The following PMEPA1 variants were observed in gnomAD, a reference collection of about 807,000 sequenced individuals.
PMEPA1 encodes protein TMEPAI.
PMEPA1 carries 11 observed loss-of-function variants against 23.0 expected under a neutral mutation model. That is an observed-to-expected ratio of 0.48 (90% CI 0.30 to 0.79). The LOEUF (loss-of-function observed/expected upper bound fraction) is 0.79, where lower values mean the gene tolerates loss of function less well. PMEPA1 is among the 30% of genes least tolerant of loss of function. The probability of loss-of-function intolerance (pLI) is 0.06; values close to 1 mark genes in which losing one functional copy is unlikely to be tolerated. For synonymous variants in PMEPA1, 204 were observed against 166.4 expected (o/e 1.23, Z -1.74); for missense variants, 377 against 390.9 (o/e 0.96, Z 0.30).
At chr20:57,703,533 C>T (rs754257464) in intron 1 of PMEPA1, among the ~76,000 whole-genome samples, 9 of 152,190 alleles carry the variant, frequency 5.9e-5, no homozygotes, top group Non-Finnish European at 1.2e-4. Context: ...ACCCTGCTGG[C>T]AGACCCGAAG....
intron 1 of PMEPA1, among the ~76,000 whole-genome samples, chr20:57,691,088 C>A (rs900316078): frequency 6.6e-6 from 1 of 152,140 alleles, no homozygotes; most frequent in Admixed American, 6.5e-5. Context: ...GGTTTTCTGG[C>A]CGATTTCCAG....
At chr20:57,660,270 G>C (rs563845258) in intron 1 of PMEPA1, among the ~76,000 whole-genome samples, 4 of 152,110 alleles carry the variant, frequency 2.6e-5, no homozygotes, top group African/African-American at 9.7e-5. Flanking sequence ...GTGAACGTGT[G>C]TACACAAACC....
intron 2 of PMEPA1, 76 bp downstream of exon 2, chr20:57,659,467 G>A: frequency 6.8e-7 from 1 of 1,476,934 alleles, no homozygotes; most frequent in Non-Finnish European, 9.3e-7. Context: ...GCTGCCATTG[G>A]ATCCCGTCTG....
intron 1 of PMEPA1, among the ~76,000 whole-genome samples, chr20:57,677,157 G>A (rs1432863925): frequency 6.6e-6 from 1 of 152,182 alleles, no homozygotes; most frequent in Non-Finnish European, 1.5e-5. Flanking sequence ...TGCATCGCCT[G>A]GTGGCCTGTC....
rs192428455 is a variant in PMEPA1, at chr20:57,656,551, C to A, written c.264+2992G>T. 6.6e-6 allele frequency among the ~76,000 whole-genome samples: 1 copy of A among 152,170 alleles called. No homozygotes were observed. The highest frequency in any genetic ancestry group is 2.4e-5 in the African/African-American group (1 of 41,460). ...GGGCGGTCACTGCAGTGACGTTCTG[C>A]ATCATGTCCCGAATACCCTCGGAGC... is the stretch of plus-strand genomic sequence containing the variant. On this transcript the variant is annotated intron_variant, in intron 2 of 3. Coordinates refer to ENST00000341744, the MANE Select transcript of PMEPA1 (RefSeq NM_020182.5). This position sits in a 1 kb window ranked among gnomAD's most constrained non-coding sequence, Gnocchi z 4.7.
chr20:57,669,231 T>C (rs6070213), intron 1 of PMEPA1, among the ~76,000 whole-genome samples: 55,429 of 151,648 alleles, frequency 0.37, 10,604 homozygotes, highest in African/African-American at 0.47. Flanking sequence ...GGTGCAATCT[T>C]GACTCACTGC....
intron 1 of PMEPA1, among the ~76,000 whole-genome samples, chr20:57,660,223 G>A (rs573430954): frequency 2.0e-5 from 3 of 152,040 alleles, no homozygotes; most frequent in Admixed American, 6.5e-5. Context: ...GAGTTTGGGA[G>A]TGAAGCTTTG....
intron 1 of PMEPA1, among the ~76,000 whole-genome samples, chr20:57,678,968 C>T (rs941897762): frequency 2.0e-5 from 3 of 152,212 alleles, no homozygotes; most frequent in Non-Finnish European, 2.9e-5. Flanking sequence ...GAACTGCGGA[C>T]GTCTCTGCCA....
rs2072047524 is a variant in PMEPA1, at chr20:57,704,237, C to T, written c.109+5237G>A. Among the ~76,000 whole-genome samples the T allele has an allele frequency of 6.6e-6, 1 of 152,202 alleles. No individual in the cohort carries two copies. Among genetic ancestry groups the T allele is most frequent in the African/African-American group, 2.4e-5 (1 of 41,458 alleles). The stretch of plus-strand genomic sequence containing the variant: ...GCAATGGTGGGCTGAGCAGTGGCCA[C>T]AGTGCCTTTAAACTGGACTCTTGCC... On this transcript the variant is annotated intron_variant, in intron 1 of 3. Coordinates refer to ENST00000341744, the MANE Select transcript of PMEPA1 (RefSeq NM_020182.5). The surrounding 1 kb of genome is among the most constrained non-coding windows in gnomAD (Gnocchi z 4.6).
At chr20:57,706,547 A>C (rs1045302178) in intron 1 of PMEPA1, among the ~76,000 whole-genome samples, 4 of 152,094 alleles carry the variant, frequency 2.6e-5, no homozygotes, top group African/African-American at 9.7e-5. Context: ...CTCTCAGAAA[A>C]AATGGGGCCC....
In PMEPA1 at chr20:57,690,596, G is replaced by T. The variant is rs886148140; in HGVS notation, c.109+18878C>A. The T allele has an allele frequency of 4.3e-5, 53 of 1,230,992 alleles. No homozygotes were observed. In the African/African-American group the frequency reaches 7.8e-4, roughly 18 times the overall value. The allele number at this position is 1,230,992 out of a possible 1,614,324, so 76.3% of individuals were successfully genotyped here. On this transcript the variant is annotated intron_variant, in intron 1 of 3. Coordinates refer to ENST00000341744, the MANE Select transcript of PMEPA1 (RefSeq NM_020182.5). ...TGCTATGGCGGGTGTAGAGGGTCAT[G>T]TGCAAACAGGTGGCAGGGGCCTGGA...
At chr20:57,688,686 T>C (rs1012005110) in intron 1 of PMEPA1, among the ~76,000 whole-genome samples, 11 of 152,164 alleles carry the variant, frequency 7.2e-5, no homozygotes, top group Non-Finnish European at 1.6e-4. Context: ...CACATTCCCA[T>C]TTGACAGATG....
At chr20:57,710,191 C>T (rs543282715), upstream of PMEPA1, 2 of 502,808 alleles carry the variant, frequency 4.0e-6, no homozygotes, top group Middle Eastern at 5.7e-4. Flanking sequence ...GTAGACCCGG[C>T]ACCCGCGCAA....
At chr20:57,685,167 A>G (rs918769147) in intron 1 of PMEPA1, among the ~76,000 whole-genome samples, 3 of 151,954 alleles carry the variant, frequency 2.0e-5, no homozygotes, top group African/African-American at 7.3e-5. Flanking sequence ...AAAGAGGACA[A>G]TTAAAAAAAG....
In PMEPA1 at chr20:57,704,100, G is replaced by A. The variant is rs961361119; in HGVS notation, c.109+5374C>T. 6.6e-6 allele frequency among the ~76,000 whole-genome samples: 1 copy of A among 152,174 alleles called. No individual in the cohort carries two copies. The highest frequency in any genetic ancestry group is 1.5e-5 in the Non-Finnish European group (1 of 68,040). ...AGCAGGTTCTGTGGGGCTTCTTGGT[G>A]ACAGGGGAGACAAAAGGAACTGCCA... is the stretch of plus-strand genomic sequence containing the variant. On this transcript the variant is annotated intron_variant, in intron 1 of 3. Transcript: ENST00000341744. This position sits in a 1 kb window ranked among gnomAD's most constrained non-coding sequence, Gnocchi z 4.6.
intron 1 of PMEPA1, among the ~76,000 whole-genome samples, chr20:57,660,318 C>T (rs145779374): frequency 7.6e-4 from 116 of 152,102 alleles, no homozygotes; most frequent in African/African-American, 2.6e-3. Context: ...TGTCAACACA[C>T]CAACACTCCT....
chr20:57,708,073 C>A (rs1327936522), intron 1 of PMEPA1, among the ~76,000 whole-genome samples: 1 of 152,158 alleles, frequency 6.6e-6, no homozygotes, highest in Non-Finnish European at 1.5e-5. Flanking sequence ...GAAGGACCCA[C>A]CACCAAAGCC....
At chr20:57,699,597 G>C (rs1331506810) in intron 1 of PMEPA1, among the ~76,000 whole-genome samples, 1 of 152,228 alleles carries the variant, frequency 6.6e-6, no homozygotes, top group African/African-American at 2.4e-5. Context: ...GTGCAGGGCA[G>C]TCTCTCGGGA....
intron 1 of PMEPA1, among the ~76,000 whole-genome samples, chr20:57,663,489 C>T (rs930375680): frequency 4.6e-5 from 7 of 152,162 alleles, no homozygotes; most frequent in African/African-American, 1.7e-4. Flanking sequence ...TGTAGTGCTC[C>T]CTGGAGGTGG....
Sources: allele counts gnomAD v4.1 joint callset (sites outside exome capture counted in the v4.1 genomes callset), GRCh38; gene constraint gnomAD v4.1.1; non-coding constraint Gnocchi (gnomAD v3.1); transcripts MANE v1.5; gene names NCBI Gene and HGNC (gene_info 2026-07-23, HGNC 2026-07-21).